The following SPIDR variants were observed in gnomAD, a reference collection of about 807,000 sequenced individuals.
SPIDR encodes the protein DNA repair-scaffolding protein.
In SPIDR, 93 loss-of-function variants were observed where a neutral mutation model predicts 104.6. The ratio of observed to expected loss-of-function variants is 0.89; its 90% CI spans 0.75 to 1.06. SPIDR has a LOEUF of 1.06. SPIDR is among the 50% of genes least tolerant of loss of function. SPIDR has a pLI of 0.00. For synonymous variants in SPIDR, 431 were observed against 416.9 expected (o/e 1.03, Z -0.41); for missense variants, 1,154 against 1,111.2 (o/e 1.04, Z -0.55).
chr8:47,609,337 A>G (rs1370779997), intron 10 of SPIDR, among the ~76,000 whole-genome samples: 1 of 152,190 alleles, frequency 6.6e-6, no homozygotes, highest in African/African-American at 2.4e-5. Flanking sequence ...TTATGCAAAC[A>G]TACTTCTGTG....
chr8:47,583,987 G>A (rs1370391135), intron 8 of SPIDR, among the ~76,000 whole-genome samples: 1 of 152,196 alleles, frequency 6.6e-6, no homozygotes, highest in Non-Finnish European at 1.5e-5. Flanking sequence ...CGTGTCCGCT[G>A]TGTCACAAGT....
intron 8 of SPIDR, among the ~76,000 whole-genome samples, chr8:47,562,114 A>G (rs1271811305): frequency 6.6e-6 from 1 of 152,202 alleles, no homozygotes; most frequent in Non-Finnish European, 1.5e-5. Context: ...ACATCCACTT[A>G]TAATAATTTC....
At chr8:47,551,607 G>A (rs185857704) in intron 8 of SPIDR, among the ~76,000 whole-genome samples, 6 of 152,134 alleles carry the variant, frequency 3.9e-5, no homozygotes, top group African/African-American at 9.6e-5. Context: ...CTGTGGGATC[G>A]GTGGTGATAT....
At position 47,676,373 on chromosome 8, in the gene SPIDR, A is replaced by G. The variant is rs977759135; in HGVS notation, c.1685+2432A>G. ...TATATTTTGCCATGCAAAACATCCAAATAAATGTTTAGATTGTGTTCTTGT... is the reference window on the plus strand; with the variant it reads ...TATATTTTGCCATGCAAAACATCCAGATAAATGTTTAGATTGTGTTCTTGT... On this transcript the variant is annotated intron_variant, in intron 11 of 19. Coordinates refer to ENST00000297423, the MANE Select transcript of SPIDR (RefSeq NM_001080394.4). 6.5e-4 allele frequency among the ~76,000 whole-genome samples: 99 copies of G among 152,330 alleles called. 1 individual carries two copies. The highest frequency in any genetic ancestry group is 2.3e-3 in the African/African-American group (95 of 41,560).
intron 1 of SPIDR, among the ~76,000 whole-genome samples, chr8:47,263,686 A>G (rs181471328): frequency 5.5e-4 from 82 of 149,116 alleles, no homozygotes; most frequent in African/African-American, 1.8e-3. Flanking sequence ...CCCAGCTATA[A>G]ATGAACTTTC....
At chr8:47,341,048 T>C (rs1263393803) in intron 5 of SPIDR, among the ~76,000 whole-genome samples, 1 of 152,204 alleles carries the variant, frequency 6.6e-6, no homozygotes, top group Admixed American at 6.5e-5. Flanking sequence ...CTGTAGCCAG[T>C]CAGCTTGGGG....
At chr8:47,496,416 A>T (rs1179617230) in intron 8 of SPIDR, among the ~76,000 whole-genome samples, 1 of 152,150 alleles carries the variant, frequency 6.6e-6, no homozygotes, top group Non-Finnish European at 1.5e-5. Flanking sequence ...ACATGTATTA[A>T]ATTTAGTAAA....
chr8:47,307,003 CAT>C (rs1306457878), intron 5 of SPIDR, among the ~76,000 whole-genome samples: 1 of 152,180 alleles, frequency 6.6e-6, no homozygotes, highest in Non-Finnish European at 1.5e-5. Context: ...GTATAGGCAA[CAT>C]ATGGTTGAAT....
intron 5 of SPIDR, among the ~76,000 whole-genome samples, chr8:47,381,746 C>T (rs1188620354): frequency 2.6e-5 from 4 of 152,252 alleles, no homozygotes; most frequent in Non-Finnish European, 2.9e-5. Context: ...ACCTGCCCCA[C>T]GTGGCACCAG....
At chr8:47,695,024 A>G (rs2079138281) in intron 11 of SPIDR, among the ~76,000 whole-genome samples, 1 of 152,142 alleles carries the variant, frequency 6.6e-6, no homozygotes, top group South Asian at 2.1e-4. Context: ...AGGTCTCTTC[A>G]CTGGTTGAAC....
intron 7 of SPIDR, among the ~76,000 whole-genome samples, chr8:47,419,997 T>G (rs1364256880): frequency 6.6e-6 from 1 of 152,230 alleles, no homozygotes; most frequent in Non-Finnish European, 1.5e-5. Flanking sequence ...TTATAATTTC[T>G]GTTCTTTTAC....
intron 3 of SPIDR, among the ~76,000 whole-genome samples, chr8:47,288,900 AT>A (rs1158927279): frequency 1.4e-3 from 212 of 151,846 alleles, no homozygotes; most frequent in South Asian, 2.9e-3. Context: ...GGAACATTCC[AT>A]TTTTTTTGTG....
At chr8:47,355,664 G>T (rs190983209) in intron 5 of SPIDR, among the ~76,000 whole-genome samples, 4 of 152,128 alleles carry the variant, frequency 2.6e-5, no homozygotes, top group African/African-American at 9.7e-5. Flanking sequence ...TTCTGCATGG[G>T]TTACATTGGC....
intron 8 of SPIDR, among the ~76,000 whole-genome samples, chr8:47,513,525 A>C (rs1451411672): frequency 6.6e-6 from 1 of 152,226 alleles, no homozygotes; most frequent in Admixed American, 6.5e-5. Flanking sequence ...ACAGTTCTCC[A>C]GTTTAGGTGA....
At chr8:47,484,768 C>A (rs1310400484) in intron 8 of SPIDR, among the ~76,000 whole-genome samples, 2 of 152,206 alleles carry the variant, frequency 1.3e-5, no homozygotes, top group Non-Finnish European at 2.9e-5. Flanking sequence ...TCTTGGATTA[C>A]AGTATTGTAT....
chr8:47,293,833 GA>G (rs2040370707), intron 4 of SPIDR, 33 bp from the exon 5 acceptor site: 1 of 1,567,408 alleles, frequency 6.4e-7, no homozygotes, highest in South Asian at 1.1e-5. Flanking sequence ...AGATTAAGGA[GA>G]TAATTAAGCA....
chr8:47,567,225 A>ATT (rs1374291677), intron 8 of SPIDR, among the ~76,000 whole-genome samples: 20 of 148,066 alleles, frequency 1.4e-4, no homozygotes, highest in African/African-American at 3.5e-4. Flanking sequence ...ATATATATAT[A>ATT]TATTTTTTTT....
At chr8:47,381,404 G>A (rs2059309763) in intron 5 of SPIDR, among the ~76,000 whole-genome samples, 1 of 152,138 alleles carries the variant, frequency 6.6e-6, no homozygotes, top group African/African-American at 2.4e-5. Flanking sequence ...TAGCATTTTT[G>A]TTGTTGCTCT....
At chr8:47,358,573 C>T (rs2055045822) in intron 5 of SPIDR, among the ~76,000 whole-genome samples, 1 of 152,138 alleles carries the variant, frequency 6.6e-6, no homozygotes, top group Non-Finnish European at 1.5e-5. Context: ...AGGCTAAGAT[C>T]TCTCTACAGC....
Sources: allele counts gnomAD v4.1 joint callset (sites outside exome capture counted in the v4.1 genomes callset), GRCh38; gene constraint gnomAD v4.1.1; transcripts MANE v1.5; gene names NCBI Gene and HGNC (gene_info 2026-07-23, HGNC 2026-07-21).